Variants in PARM1 observed in about 807,000 individuals in gnomAD.
PARM1 encodes prostate androgen-regulated mucin-like protein 1.
A neutral mutation model predicts 24.6 loss-of-function variants in PARM1; 14 were observed. That is an observed-to-expected ratio of 0.57 (90% confidence interval 0.38 to 0.89). The LOEUF is 0.89. Ranked by LOEUF, PARM1 falls within the 40% of genes least tolerant of loss-of-function variation. The pLI is 0.00. For synonymous variants in PARM1, 179 were observed against 156.6 expected, an observed-to-expected ratio of 1.14 and a Z score of -1.07; for missense variants, 362 against 380.4, an observed-to-expected ratio of 0.95 and a Z score of 0.40.
intron 1 of PARM1, among the ~76,000 whole-genome samples, chr4:74,952,110 A>AT (rs1405824620): frequency 6.6e-6 from 1 of 152,070 alleles, no homozygotes; most frequent in Non-Finnish European, 1.5e-5. Flanking sequence ...TTGTTTACTG[A>AT]TTTTTTAATG....
chr4:74,936,008 T>A (rs971297065), intron 1 of PARM1, among the ~76,000 whole-genome samples: 3 of 151,858 alleles, frequency 2.0e-5, no homozygotes, highest in Non-Finnish European at 4.4e-5. Flanking sequence ...AATTTTTTTA[T>A]TTTTTGTAGA....
intron 1 of PARM1, among the ~76,000 whole-genome samples, chr4:74,936,347 A>C (rs1469163574): frequency 6.6e-6 from 1 of 152,134 alleles, no homozygotes; most frequent in Non-Finnish European, 1.5e-5. Flanking sequence ...CGAGAATGGC[A>C]GGCCCCTGGT....
chr4:75,026,168 AAC>A (rs1723179668), intron 2 of PARM1, among the ~76,000 whole-genome samples: 1 of 152,214 alleles, frequency 6.6e-6, no homozygotes, highest in African/African-American at 2.4e-5. Flanking sequence ...TTTGCAACAT[AAC>A]TACTAATAAA....
Position 75,012,661 on chromosome 4 carries a change from G to A in PARM1, c.280G>A (p.Gly94Ser). The change falls in exon 2 of 4, where the codon GGT becomes AGT. Residue 94 changes from glycine (G) to serine (S), a missense_variant. By Grantham distance (56) the Gly-to-Ser change is moderately conservative. Coordinates refer to ENST00000307428, the MANE Select transcript of PARM1 (RefSeq NM_015393.4). ...CAGAGAAGAGGAGATCACCAGCCCA[G>A]GTTCGAATTGGGAAGGCACAAACAC... ...ESREEEITSP[G>S]SNWEGTNTDP... 1 of 1,613,986 alleles carries A rather than the reference G, an allele frequency of 6.2e-7. No individual in the cohort carries two copies. The highest frequency in any genetic ancestry group is 8.5e-7 in the Non-Finnish European group (1 of 1,179,882).
intron 1 of PARM1, among the ~76,000 whole-genome samples, chr4:74,934,631 G>T (rs949929795): frequency 6.6e-6 from 1 of 152,208 alleles, no homozygotes. Flanking sequence ...CCGAATACTC[G>T]CAGGCGGCTT....
chr4:74,974,323 C>T (rs567892847), intron 1 of PARM1, among the ~76,000 whole-genome samples: 1 of 152,192 alleles, frequency 6.6e-6, no homozygotes, highest in Non-Finnish European at 1.5e-5. Context: ...GTCAAGTTGA[C>T]ACAAAGAATT....
chr4:74,985,641 T>A lies in PARM1; in HGVS notation c.44-26784T>A, dbSNP rs79965641. Among the ~76,000 whole-genome samples, 158 of 152,338 alleles carry A rather than the reference T, an allele frequency of 1.0e-3. No individual in the cohort carries two copies. In the East Asian group the frequency reaches 0.027, roughly 26 times the overall value. On this transcript the variant is annotated intron_variant, in intron 1 of 3. Coordinates refer to ENST00000307428, the MANE Select transcript of PARM1 (RefSeq NM_015393.4). ...ACAGTGAGCAGTGATTTAACCCTAC[T>A]CTGTCTGAATGCAGGGCCCAAACAA...
At chr4:74,998,425 A>T (rs6830360) in intron 1 of PARM1, among the ~76,000 whole-genome samples, 22,042 of 152,186 alleles carry the variant, frequency 0.14, 1,795 homozygotes, top group East Asian at 0.35. Context: ...CAAGAGACAA[A>T]TTGGAAGGTA....
At chr4:74,938,894 A>G (rs2109979479) in intron 1 of PARM1, among the ~76,000 whole-genome samples, 2 of 152,288 alleles carry the variant, frequency 1.3e-5, no homozygotes. Flanking sequence ...TGTGCTTTTC[A>G]TTGGTGCAGG....
At chr4:74,946,374 A>G (rs1721414013) in intron 1 of PARM1, among the ~76,000 whole-genome samples, 1 of 152,154 alleles carries the variant, frequency 6.6e-6, no homozygotes, top group African/African-American at 2.4e-5. Context: ...TGAGAGCCTT[A>G]TCATCTCTTA....
Position 75,046,188 on chromosome 4 carries a change from G to A in PARM1, c.874G>A (p.Asp292Asn), listed in dbSNP as rs747256833. The change falls in exon 4 of 4, where the codon GAC becomes AAC. Residue 292 changes from aspartate to asparagine, a missense_variant. Transcript: ENST00000307428. ...IRHSSYGRLL[D>N]DHDYGSWGNY... ...GCATTCCTCCTATGGAAGACTTTTGGACGACCATGACTACGGGTCCTGGGG... is the reference window on the plus strand; with the variant it reads ...GCATTCCTCCTATGGAAGACTTTTGAACGACCATGACTACGGGTCCTGGGG... The A allele has an allele frequency of 6.2e-7, 1 of 1,613,034 alleles. No individual in the cohort carries two copies. Among genetic ancestry groups the A allele is most frequent in the South Asian group, 1.1e-5 (1 of 91,044 alleles).
chr4:75,047,943 T>G lies in PARM1; in HGVS notation c.*1696T>G, dbSNP rs1723640569. On this transcript the variant is annotated 3_prime_UTR_variant, in exon 4 of 4. Transcript: ENST00000307428. ...CAGCTGATATTAGCAAGCAGCATCT[T>G]ATGTCCTGATTTCATATAGTAGAAA... 1 of 152,204 alleles carries G rather than the reference T, an allele frequency of 6.6e-6. No individual in the cohort carries two copies. Among genetic ancestry groups the G allele is most frequent in the Non-Finnish European group, 1.5e-5 (1 of 68,038 alleles). The allele number at this position is 152,204 out of a possible 1,614,324, so 9.4% of individuals were successfully genotyped here. A position where few individuals can be genotyped will look rare whatever the true frequency, so the allele number is the denominator to read the frequency against.
intron 3 of PARM1, among the ~76,000 whole-genome samples, chr4:75,040,007 C>T (rs1270989685): frequency 1.3e-5 from 2 of 152,334 alleles, no homozygotes; most frequent in East Asian, 1.9e-4. Flanking sequence ...CTTCCCTGTA[C>T]TGCAATCAGT....
chr4:74,979,277 G>T (rs1188977670), intron 1 of PARM1, among the ~76,000 whole-genome samples: 1 of 151,980 alleles, frequency 6.6e-6, no homozygotes, highest in Non-Finnish European at 1.5e-5. Flanking sequence ...AAATGATAAA[G>T]GGGATATCGC....
chr4:74,995,707 T>TC (rs1306466721), intron 1 of PARM1, among the ~76,000 whole-genome samples: 1 of 152,148 alleles, frequency 6.6e-6, no homozygotes, highest in African/African-American at 2.4e-5. Context: ...TTCACTTTTC[T>TC]CCATGGCTAC....
intron 2 of PARM1, among the ~76,000 whole-genome samples, chr4:75,025,563 T>C (rs767384763): frequency 9.9e-5 from 15 of 152,156 alleles, no homozygotes; most frequent in Non-Finnish European, 2.1e-4. Context: ...TTTAAAACCA[T>C]GGTAACCAAG....
intron 1 of PARM1, among the ~76,000 whole-genome samples, chr4:74,936,130 C>T (rs1169268375): frequency 1.3e-5 from 2 of 152,168 alleles, no homozygotes; most frequent in Non-Finnish European, 2.9e-5. Context: ...CCACTGTGCC[C>T]AGCCTCACTT....
chr4:74,961,829 T>C (rs138035649), intron 1 of PARM1, among the ~76,000 whole-genome samples: 70 of 152,322 alleles, frequency 4.6e-4, no homozygotes, highest in African/African-American at 1.6e-3. Context: ...GAAGTCCTTT[T>C]GGTTGAAATG....
chr4:75,007,677 A>G (rs1210347626), intron 1 of PARM1, among the ~76,000 whole-genome samples: 2 of 152,178 alleles, frequency 1.3e-5, no homozygotes, highest in Non-Finnish European at 2.9e-5. Context: ...CGAGTTCTAC[A>G]CTGATTCTGA....
Sources: allele counts gnomAD v4.1 joint callset (sites outside exome capture counted in the v4.1 genomes callset), GRCh38; gene constraint gnomAD v4.1.1; transcripts MANE v1.5; gene names NCBI Gene and HGNC (gene_info 2026-07-23, HGNC 2026-07-21).